The following GLB1L2 variants were observed in gnomAD, a reference collection of about 807,000 sequenced individuals.
GLB1L2 encodes the protein beta-galactosidase-1-like protein 2.
In GLB1L2, 68 loss-of-function variants were observed where a neutral mutation model predicts 84.1. The observed-to-expected ratio is 0.81, with a 90% CI of 0.67 to 0.99. GLB1L2 has a LOEUF of 0.99. GLB1L2 is among the 50% of genes least tolerant of loss of function. GLB1L2 has a pLI of 0.00. For synonymous variants in GLB1L2, 290 were observed against 318.0 expected (o/e 0.91, Z 0.94); for missense variants, 762 against 805.6 (o/e 0.95, Z 0.66).
At chr11:134,357,190 A>T (rs1312042677) in intron 6 of GLB1L2, among the ~76,000 whole-genome samples, 1 of 152,208 alleles carries the variant, frequency 6.6e-6, no homozygotes, top group Admixed American at 6.5e-5. Context: ...ACCTACCTGA[A>T]GGCCGGACGG....
In GLB1L2 at chr11:134,370,666, C is replaced by T. The variant is rs933624787; in HGVS notation, c.1215+267C>T. 2.6e-5 allele frequency among the ~76,000 whole-genome samples: 4 copies of T among 152,074 alleles called. No homozygotes were observed. Among genetic ancestry groups the T allele is most frequent in the African/African-American group, 7.2e-5 (3 of 41,402 alleles). On this transcript the variant is annotated intron_variant, in intron 12 of 18. Transcript: ENST00000535456. This position sits in a 1 kb window ranked among gnomAD's most constrained non-coding sequence, Gnocchi z 4.7. Reference sequence around the variant, plus strand: ...AGAAACAGAGGTCCCTGAGGAACAGCGGCTGGCCCCGTGGGCCTTTCCTTC... The same window carrying T: ...AGAAACAGAGGTCCCTGAGGAACAGTGGCTGGCCCCGTGGGCCTTTCCTTC...
chr11:134,350,755 A>C (rs1329645559), intron 5 of GLB1L2, among the ~76,000 whole-genome samples: 2 of 152,258 alleles, frequency 1.3e-5, no homozygotes, highest in East Asian at 3.8e-4. Flanking sequence ...ATGTACAATC[A>C]GTGTACAAAT....
chr11:134,371,298 C>G, intron 13 of GLB1L2, 123 bp from the exon 14 acceptor site: 1 of 1,222,668 alleles, frequency 8.2e-7, no homozygotes, highest in Non-Finnish European at 1.2e-6. Flanking sequence ...GCATTCATGT[C>G]TGCTCTGCCC....
At chr11:134,360,127 C>A (rs1943762227) in intron 7 of GLB1L2, 1 of 152,366 alleles carries the variant, frequency 6.6e-6, no homozygotes, top group Non-Finnish European at 1.5e-5. Context: ...TGGTTTGTGG[C>A]CTTGGTGAGC....
At chr11:134,356,249 A>T in intron 5 of GLB1L2, 52 bp from the exon 6 acceptor site, 1 of 1,408,138 alleles carries the variant, frequency 7.1e-7, no homozygotes, top group Non-Finnish European at 1.0e-6. Context: ...AGGGTTGGAT[A>T]CTACAGTTCC....
chr11:134,363,115 C>T (rs1943819594), intron 7 of GLB1L2, among the ~76,000 whole-genome samples: 1 of 152,162 alleles, frequency 6.6e-6, no homozygotes, highest in Non-Finnish European at 1.5e-5. Flanking sequence ...AGACTGGCCT[C>T]CTGTCTTCAA....
At chr11:134,364,745 G>C in intron 8 of GLB1L2, 1 of 237,614 alleles carries the variant, frequency 4.2e-6, no homozygotes, top group South Asian at 1.2e-4. Context: ...ATACTACACA[G>C]GCATCCGACC....
chr11:134,365,670 C>T (rs946928287), intron 8 of GLB1L2, among the ~76,000 whole-genome samples: 12 of 152,190 alleles, frequency 7.9e-5, no homozygotes, highest in African/African-American at 2.2e-4. Flanking sequence ...GGTAGCCACG[C>T]GCGAGCCTTC....
At chr11:134,348,838 G>T (rs73604955) in intron 5 of GLB1L2, among the ~76,000 whole-genome samples, 3,615 of 152,240 alleles carry the variant, frequency 0.024, 147 homozygotes, top group African/African-American at 0.081. Context: ...CCCTTCCAGG[G>T]CATATACGGC....
rs1440202840 is a variant in GLB1L2, at chr11:134,339,544, GGAATT to G, written c.87-3208_87-3204del. Among the ~76,000 whole-genome samples, 2 of 151,998 alleles carry G rather than the reference GGAATT, an allele frequency of 1.3e-5. No homozygotes were observed. The highest frequency in any genetic ancestry group is 2.9e-5 in the Non-Finnish European group (2 of 68,000). On this transcript the variant is annotated intron_variant, in intron 1 of 18. Transcript: ENST00000535456. The surrounding 1 kb of genome is among the most constrained non-coding windows in gnomAD (Gnocchi z 5.7). ...GAAACAGTTGAATTCACCAGAATTTGGAATTGGATAACAGCTAGATTGTTTTTTAT... is the reference window on the plus strand; with the variant it reads ...GAAACAGTTGAATTCACCAGAATTTGGGATAACAGCTAGATTGTTTTTTAT...
chr11:134,359,199 C>A, intron 7 of GLB1L2, 58 bp downstream of exon 7: 1 of 1,253,166 alleles, frequency 8.0e-7, no homozygotes, highest in Non-Finnish European at 1.1e-6. Flanking sequence ...TGGCTGTGCA[C>A]GCTCCCGCTG....
chr11:134,347,262 G>GC (rs1468982037), intron 4 of GLB1L2, 63 bp from the exon 5 acceptor site: 2 of 1,235,516 alleles, frequency 1.6e-6, no homozygotes, highest in Non-Finnish European at 1.2e-6. Context: ...CGCATCAACA[G>GC]CCTGCTCACA....
chr11:134,358,971 C>T (rs1013600650), intron 6 of GLB1L2, 89 bp from the exon 7 acceptor site: 6 of 871,236 alleles, frequency 6.9e-6, no homozygotes, highest in Non-Finnish European at 1.1e-5. Context: ...CTCCTTCTAG[C>T]TCTTCAGGCT....
At chr11:134,358,326 C>T (rs971728803) in intron 6 of GLB1L2, among the ~76,000 whole-genome samples, 2 of 152,246 alleles carry the variant, frequency 1.3e-5, no homozygotes, top group South Asian at 2.1e-4. Flanking sequence ...TTCACGCCTC[C>T]GAGGCGCGTC....
rs762390001 is a variant in GLB1L2, at chr11:134,342,908, C to T, written c.241C>T (p.Arg81Cys). ...FRVPREYWRDRLLKMKACGLN... is the reference protein window; with the variant it reads ...FRVPREYWRDCLLKMKACGLN... ...TGTGCCCAGGGAGTACTGGAGGGAC[C>T]GCCTGCTGAAGATGAAGGCCTGTGG... The change falls in exon 2 of 19, where the codon CGC becomes TGC. Residue 81 changes from arginine (R) to cysteine (C), a missense_variant. By Grantham distance (180) the Arg-to-Cys change is radical (BLOSUM62 -3). Transcript: ENST00000535456. 9 of 1,613,838 alleles carry T rather than the reference C, an allele frequency of 5.6e-6. No individual in the cohort carries two copies. In the Admixed American group the frequency reaches 6.7e-5, roughly 12 times the overall value.
In GLB1L2 at chr11:134,373,715, C is replaced by T. The variant is rs746697284; in HGVS notation, c.1508-6C>T. 2.5e-6 allele frequency: 4 copies of T among 1,604,050 alleles called. No homozygotes were observed. The highest frequency in any genetic ancestry group is 3.4e-6 in the Non-Finnish European group (4 of 1,171,968). ...GCTACCCACGTGTCCTGCCTCCCTCCCACAGGCTTAATTGGAAATCTCTAT... is the reference window on the plus strand; with the variant it reads ...GCTACCCACGTGTCCTGCCTCCCTCTCACAGGCTTAATTGGAAATCTCTAT... On this transcript the variant is annotated splice_polypyrimidine_tract_variant and splice_region_variant and intron_variant, in intron 15 of 18. Coordinates refer to ENST00000535456, the MANE Select transcript of GLB1L2 (RefSeq NM_001370461.1).
chr11:134,367,104 C>T (rs1027528123), intron 8 of GLB1L2, 153 bp from the exon 9 acceptor site: 4 of 719,474 alleles, frequency 5.6e-6, no homozygotes, highest in Middle Eastern at 3.8e-4. Flanking sequence ...TTGGCCCTCA[C>T]CTATGCCCCA....
chr11:134,366,655 T>G (rs1433178575), intron 8 of GLB1L2, among the ~76,000 whole-genome samples: 3 of 152,142 alleles, frequency 2.0e-5, no homozygotes, highest in Non-Finnish European at 4.4e-5. Flanking sequence ...GAAAGAAGAT[T>G]TAAGATTTGT....
At chr11:134,347,580 G>T in intron 5 of GLB1L2, 147 bp downstream of exon 5, 2 of 636,332 alleles carry the variant, frequency 3.1e-6, no homozygotes, top group East Asian at 2.6e-5. Flanking sequence ...GTAACTGAGG[G>T]GCTTGCAAGA....
Sources: gnomAD v4.1 joint callset for allele counts (sites outside exome capture counted in the v4.1 genomes callset) on GRCh38, gnomAD v4.1.1 for gene constraint, Gnocchi (gnomAD v3.1) non-coding constraint, MANE v1.5 for transcripts, NCBI Gene and HGNC (gene_info 2026-07-23, HGNC 2026-07-21) for gene names.